Variants in DIDO1 observed in about 807,000 individuals in gnomAD.
DIDO1 encodes the protein death inducer-obliterator 1.
DIDO1 carries 16 observed loss-of-function variants against 99.4 expected under a neutral mutation model. The ratio of observed to expected loss-of-function variants is 0.16; its 90% CI spans 0.11 to 0.24. DIDO1 has a LOEUF of 0.24. DIDO1 is among the 10% of genes least tolerant of loss of function. DIDO1 has a pLI of 1.00. For synonymous variants in DIDO1, 1,366 were observed against 1,239.1 expected, an observed-to-expected ratio of 1.10 and a Z score of -2.15; for missense variants, 2,996 against 3,014.0, an observed-to-expected ratio of 0.99 and a Z score of 0.14.
At position 62,894,032 on chromosome 20, in the gene DIDO1, G is replaced by C; in HGVS notation, c.2735C>G (p.Ser912Cys). The stretch of plus-strand genomic sequence containing the variant: ...AGAAGCACTTTCTAGGCCTGGCTCA[G>C]AGGCAACTTCAGGCACAGCCTCCGG... The part of the protein sequence containing the change: ...VMPEAVPEVA[S>C]EPGLESASHP... Residue 912 changes from serine (S) to cysteine (C), a missense_variant, in exon 12 of 16, where the codon TCT (serine) becomes TGT (cysteine). Around this residue, in one of 5 missense-constraint regions of DIDO1, gnomAD observed 898 missense variants for 972.7 expected, o/e 0.92. Transcript: ENST00000395343. The surrounding 1 kb of genome is among the most constrained non-coding windows in gnomAD (Gnocchi z 4.4). 3 of 1,614,228 alleles carry C rather than the reference G, an allele frequency of 1.9e-6. No homozygotes were observed. Among genetic ancestry groups the C allele is most frequent in the Non-Finnish European group, 1.7e-6 (2 of 1,180,052 alleles).
chr20:62,894,784 G>T lies in DIDO1; in HGVS notation c.2436+26C>A. On this transcript the variant is annotated intron_variant, in intron 10 of 15. Coordinates refer to ENST00000395343, the MANE Select transcript of DIDO1 (RefSeq NM_001193369.2). This position sits in a 1 kb window ranked among gnomAD's most constrained non-coding sequence, Gnocchi z 4.4. ...TGGGATGGATTAGTCTATTCTCGGT[G>T]AACACAAAATCTCCCAAATGCTTAC... 4 of 1,597,862 alleles carry T rather than the reference G, an allele frequency of 2.5e-6. No individual in the cohort carries two copies. The highest frequency in any genetic ancestry group is 1.1e-5 in the South Asian group (1 of 90,148).
At position 62,926,256 on chromosome 20, in the gene DIDO1, TCGCCCGCCCGCC is replaced by T. The variant is rs3069125; in HGVS notation, c.-200+171_-200+182del. Among the ~76,000 whole-genome samples, 391 of 149,754 alleles carry T rather than the reference TCGCCCGCCCGCC, an allele frequency of 2.6e-3. 1 individual carries two copies. Among genetic ancestry groups the T allele is most frequent in the African/African-American group, 8.3e-3 (342 of 41,074 alleles). On this transcript the variant is annotated intron_variant, in intron 1 of 15. Transcript: ENST00000395343. ...GGCGGCTCTGACCGGCCCCGCCCGC[TCGCCCGCCCGCC>T]CGCCCGCTCCTTCCCTTCCGCGGCC...
intron 1 of DIDO1, among the ~76,000 whole-genome samples, chr20:62,937,396 C>CGGCCCTGCCCCGCGCCGCCGCCGG (rs1184952103): frequency 6.6e-6 from 1 of 152,186 alleles, no homozygotes; most frequent in African/African-American, 2.4e-5. Context: ...CGAGTAACCC[C>CGGCCCTGCCCCGCGCCGCCGCCGG]GGCCCTGCCC....
Position 62,896,360 on chromosome 20 carries a change from T to C in DIDO1, c.2087A>G (p.Glu696Gly). 4.3e-6 allele frequency: 7 copies of C among 1,614,202 alleles called. No homozygotes were observed. Among genetic ancestry groups the C allele is most frequent in the Non-Finnish European group, 5.9e-6 (7 of 1,180,036 alleles). Residue 696 changes from glutamate (E) to glycine (G), a missense_variant, in exon 8 of 16, where the codon GAA (glutamate) becomes GGA (glycine). By Grantham distance (98) the Glu-to-Gly change is moderately conservative. Coordinates refer to ENST00000395343, the MANE Select transcript of DIDO1 (RefSeq NM_001193369.2). The surrounding 1 kb of genome is among the most constrained non-coding windows in gnomAD (Gnocchi z 4.4). ...GAGGGCAATTTTTCCTACTTCGTTT[T>C]CTGTCATGATTAAGTCATCGCTGTC... Reference protein sequence around the residue: ...VNDSDDLIMTENEVGKIALHI... With the variant: ...VNDSDDLIMTGNEVGKIALHI...
chr20:62,929,065 A>T (rs1466074170), upstream of DIDO1: 1 of 152,188 alleles, frequency 6.6e-6, no homozygotes, highest in Non-Finnish European at 1.5e-5. Context: ...TATGACAAAA[A>T]TACTCCAGGA....
intron 1 of DIDO1, among the ~76,000 whole-genome samples, chr20:62,932,910 G>C (rs754753657): frequency 6.6e-6 from 1 of 152,180 alleles, no homozygotes; most frequent in African/African-American, 2.4e-5. Flanking sequence ...CCAGACACAT[G>C]GTGTCAGAAT....
intron 6 of DIDO1, among the ~76,000 whole-genome samples, chr20:62,903,935 A>C (rs535669500): frequency 1.3e-5 from 2 of 152,294 alleles, no homozygotes; most frequent in East Asian, 3.9e-4. Flanking sequence ...CCCCGCTCAC[A>C]GTGCAGGAGG....
intron 4 of DIDO1, among the ~76,000 whole-genome samples, chr20:62,908,821 C>T (rs1393144460): frequency 6.6e-6 from 1 of 152,112 alleles, no homozygotes; most frequent in Non-Finnish European, 1.5e-5. Flanking sequence ...ACTGTGCCAC[C>T]GAACTCCAGC....
intron 1 of DIDO1, among the ~76,000 whole-genome samples, chr20:62,920,451 G>A (rs754213408): frequency 3.3e-5 from 5 of 152,172 alleles, no homozygotes; most frequent in African/African-American, 7.2e-5. Context: ...GTGTGTACTG[G>A]AACAGCTTTA....
intron 5 of DIDO1, 31 bp from the exon 6 acceptor site, chr20:62,906,131 A>T (rs1364681325): frequency 6.3e-7 from 1 of 1,587,172 alleles, no homozygotes; most frequent in East Asian, 2.2e-5. Flanking sequence ...CAAATCATTA[A>T]AAAGGTAAGA....
chr20:62,880,800 G>C lies in DIDO1; in HGVS notation c.5156C>G (p.Thr1719Arg). ...GGCCTGTGGCTCTCTGTCCCCCTCT[G>C]TTTCACCTGCAGGGCTGCTGCTCCT... Reference protein sequence around the residue: ...AGRSSSPAGETEGDREPQARP... With the variant: ...AGRSSSPAGEREGDREPQARP... The change falls in exon 16 of 16, where the codon ACA (threonine) becomes AGA (arginine). Residue 1719 changes from threonine (T) to arginine (R), a missense_variant. Around this residue, in one of 5 missense-constraint regions of DIDO1, gnomAD observed 1,562 missense variants for 1,412.6 expected, o/e 1.11. Transcript: ENST00000395343. The C allele has an allele frequency of 6.2e-7, 1 of 1,612,680 alleles. No homozygotes were observed. The highest frequency in any genetic ancestry group is 8.5e-7 in the Non-Finnish European group (1 of 1,179,898).
intron 6 of DIDO1, chr20:62,905,352 C>A: frequency 2.1e-6 from 3 of 1,433,038 alleles, no homozygotes; most frequent in African/African-American, 2.9e-5. Context: ...AAAAAAAAAT[C>A]CCCTATCTGC....
At chr20:62,907,916 C>A (rs116074508) in intron 4 of DIDO1, among the ~76,000 whole-genome samples, 1 of 152,132 alleles carries the variant, frequency 6.6e-6, no homozygotes, top group Non-Finnish European at 1.5e-5. Flanking sequence ...CCAATGAAAT[C>A]GGAATGTCAG....
At chr20:62,907,553 CTGCCCGTCA>C (rs1189633346) in intron 4 of DIDO1, among the ~76,000 whole-genome samples, 194 bp from the exon 5 acceptor site, 1 of 152,248 alleles carries the variant, frequency 6.6e-6, no homozygotes, top group Non-Finnish European at 1.5e-5. Flanking sequence ...CACACTGTCA[CTGCCCGTCA>C]TGCCCTGCAG....
chr20:62,929,856 T>C (rs1383620935), upstream of DIDO1, among the ~76,000 whole-genome samples: 1 of 151,158 alleles, frequency 6.6e-6, no homozygotes, highest in Non-Finnish European at 1.5e-5. Flanking sequence ...AACTCACCAA[T>C]GCTAAAAGGT....
chr20:62,881,295 G>T lies in DIDO1; in HGVS notation c.4661C>A (p.Ala1554Glu). The T allele has an allele frequency of 6.2e-7, 1 of 1,604,900 alleles. No homozygotes were observed. The highest frequency in any genetic ancestry group is 8.5e-7 in the Non-Finnish European group (1 of 1,179,782). The change falls in exon 16 of 16, where the codon GCG becomes GAG. Residue 1554 changes from alanine (A) to glutamate (E), a missense_variant. Coordinates refer to ENST00000395343, the MANE Select transcript of DIDO1 (RefSeq NM_001193369.2). This position sits in a 1 kb window ranked among gnomAD's most constrained non-coding sequence, Gnocchi z 8.3. ...CTGCCGGGGGTCCCTGTGGTTTGAC[G>T]CCTGGCTGGCGGGGGGCAGTGAGGC... ...KPASLPPASQ[A>E]SNHRDPRQAR...
chr20:62,888,025 C>T (rs2064324851), intron 15 of DIDO1: 1 of 985,408 alleles, frequency 1.0e-6, no homozygotes, highest in African/African-American at 1.7e-5. Context: ...CTGCATGGCT[C>T]CTGAGGGTGC....
chr20:62,879,346 C>A lies in DIDO1; in HGVS notation c.6610G>T (p.Asp2204Tyr). The change falls in exon 16 of 16, where the codon GAC becomes TAC. Residue 2204 changes from aspartate (D) to tyrosine (Y), a missense_variant. Asp to Tyr is a radical substitution (Grantham distance 160). Around this residue, in one of 5 missense-constraint regions of DIDO1, gnomAD observed 1,562 missense variants for 1,412.6 expected, o/e 1.11. Coordinates refer to ENST00000395343, the MANE Select transcript of DIDO1 (RefSeq NM_001193369.2). The surrounding 1 kb of genome is among the most constrained non-coding windows in gnomAD (Gnocchi z 6.3). ...TTGCGGTCGCGGCCCCGCTCCCTGTCCCTGGCCTTGTCTCGGTCCCGCTCT... is the reference window on the plus strand; with the variant it reads ...TTGCGGTCGCGGCCCCGCTCCCTGTACCTGGCCTTGTCTCGGTCCCGCTCT... ...SRERDRDKAR[D>Y]RERGRDRKDR... 6.4e-7 allele frequency: 1 copy of A among 1,553,224 alleles called. No individual in the cohort carries two copies. The highest frequency in any genetic ancestry group is 2.4e-5 in the East Asian group (1 of 41,252).
At chr20:62,917,175 A>C (rs966493098) in intron 1 of DIDO1, among the ~76,000 whole-genome samples, 3 of 152,032 alleles carry the variant, frequency 2.0e-5, no homozygotes, top group African/African-American at 7.2e-5. Context: ...CTACAGGTGC[A>C]TGCCACCATG....
Sources: gnomAD v4.1 joint callset for allele counts (sites outside exome capture counted in the v4.1 genomes callset) on GRCh38, gnomAD v4.1.1 for gene constraint, gnomAD v4.1.1 regional missense constraint, Gnocchi (gnomAD v3.1) non-coding constraint, MANE v1.5 for transcripts, NCBI Gene and HGNC (gene_info 2026-07-23, HGNC 2026-07-21) for gene names.